The following EBF2 variants were observed in gnomAD, a reference collection of about 807,000 sequenced individuals.
The protein encoded by EBF2 is EBF transcription factor 2, also known as transcription factor COE2.
EBF2 carries 21 observed loss-of-function variants against 72.8 expected under a neutral mutation model. That is an observed-to-expected ratio of 0.29 (90% CI 0.20 to 0.42). The LOEUF is 0.42. Among genes scored for constraint, EBF2 ranks in the 10% least tolerant of loss-of-function variants. EBF2 has a pLI of 1.00. For synonymous variants in EBF2, 299 were observed against 274.2 expected (o/e 1.09, Z -0.89); for missense variants, 637 against 731.2 (o/e 0.87, Z 1.49).
At chr8:25,943,635 T>C (rs1803716703) in intron 6 of EBF2, among the ~76,000 whole-genome samples, 1 of 152,148 alleles carries the variant, frequency 6.6e-6, no homozygotes. Context: ...TCAGAAAACA[T>C]GGTGACTGCT....
chr8:26,012,503 A>G (rs556173108), intron 6 of EBF2, among the ~76,000 whole-genome samples: 2 of 152,318 alleles, frequency 1.3e-5, no homozygotes, highest in Admixed American at 1.3e-4. Flanking sequence ...CCTTCTTCTT[A>G]GAGTGGGTAT....
chr8:26,018,376 G>A (rs1400616945), intron 6 of EBF2, among the ~76,000 whole-genome samples: 1 of 151,498 alleles, frequency 6.6e-6, no homozygotes, highest in African/African-American at 2.4e-5. Flanking sequence ...GAAACGGCCG[G>A]ACGCGGTGGC....
chr8:25,849,004 GGGATGGAAACCACTGGT>G (rs1161079996), intron 15 of EBF2, among the ~76,000 whole-genome samples: 2 of 152,164 alleles, frequency 1.3e-5, no homozygotes, highest in African/African-American at 4.8e-5. Context: ...CCCTAAGGAT[GGGATGGAAACCACTGGT>G]CTTTGATGAA....
chr8:25,958,295 G>A (rs1473442697), intron 6 of EBF2, among the ~76,000 whole-genome samples: 1 of 152,200 alleles, frequency 6.6e-6, no homozygotes, highest in African/African-American at 2.4e-5. Context: ...CCAATAGATT[G>A]GAACAATCTG....
At chr8:26,003,060 C>T (rs2117222705) in intron 6 of EBF2, among the ~76,000 whole-genome samples, 1 of 152,234 alleles carries the variant, frequency 6.6e-6, no homozygotes, top group Admixed American at 6.5e-5. Context: ...TCCCAAGGAA[C>T]ACAGGAAGTT....
At chr8:26,026,660 A>T (rs1202986674) in intron 6 of EBF2, among the ~76,000 whole-genome samples, 1 of 152,174 alleles carries the variant, frequency 6.6e-6, no homozygotes, top group Non-Finnish European at 1.5e-5. Context: ...TCAGGGGCCA[A>T]CAGCACCCAC....
intron 1 of EBF2, among the ~76,000 whole-genome samples, chr8:26,043,788 G>T (rs1188133342): frequency 6.6e-6 from 1 of 152,196 alleles, no homozygotes; most frequent in South Asian, 2.1e-4. Context: ...GAAGTTCATC[G>T]GCTCTTTGGG....
intron 6 of EBF2, among the ~76,000 whole-genome samples, chr8:25,926,085 T>C (rs1162361508): frequency 3.3e-5 from 5 of 152,128 alleles, no homozygotes; most frequent in African/African-American, 1.2e-4. Context: ...CGTGGTCAGC[T>C]CGAAGGGCTT....
At position 25,866,619 on chromosome 8, in the gene EBF2, TTA is replaced by T. The variant is rs377309056; in HGVS notation, c.1010-3824_1010-3823del. 4.9e-3 allele frequency among the ~76,000 whole-genome samples: 573 copies of T among 117,288 alleles called. 9 individuals carry two copies. Among genetic ancestry groups the T allele is most frequent in the African/African-American group, 0.017 (438 of 26,252 alleles). The allele number at this position is 117,288 out of a possible 152,430, so 76.9% of individuals were successfully genotyped here. A position where few individuals can be genotyped will look rare whatever the true frequency, so the allele number is the denominator to read the frequency against. On this transcript the variant is annotated intron_variant, in intron 10 of 15. Coordinates refer to ENST00000520164, the MANE Select transcript of EBF2 (RefSeq NM_022659.4). ...AATATAATATAATGTTTATATTATA[TTA>T]TATATATATATATATTTTTTTTTTT...
At chr8:25,954,475 C>A (rs1219097809) in intron 6 of EBF2, among the ~76,000 whole-genome samples, 2 of 152,212 alleles carry the variant, frequency 1.3e-5, no homozygotes, top group Non-Finnish European at 2.9e-5. Flanking sequence ...GAGAAAGACC[C>A]CCAGAGGTCA....
Position 25,861,165 on chromosome 8 carries a change from G to C in EBF2, c.1226C>G (p.Pro409Arg). Reference protein sequence around the residue: ...AEALYSVPRNPSQLPALSSSP... With the variant: ...AEALYSVPRNRSQLPALSSSP... ...GCTAGAGAGGGCTGGAAGCTGGCTG[G>C]GATTCCTGGGGACGCTGTAGAGAGC... Residue 409 changes from proline (P) to arginine (R), a missense_variant, in exon 13 of 16, where the codon CCC becomes CGC. Around this residue, in one of 3 missense-constraint regions of EBF2, gnomAD observed 259 missense variants for 268.1 expected, o/e 0.97. Coordinates refer to ENST00000520164, the MANE Select transcript of EBF2 (RefSeq NM_022659.4). 1 of 1,614,070 alleles carries C rather than the reference G, an allele frequency of 6.2e-7. No homozygotes were observed. Among genetic ancestry groups the C allele is most frequent in the South Asian group, 1.1e-5 (1 of 91,056 alleles).
At chr8:25,854,292 T>C (rs1265080411) in intron 14 of EBF2, among the ~76,000 whole-genome samples, 3 of 150,754 alleles carry the variant, frequency 2.0e-5, no homozygotes. Flanking sequence ...TGGGAAACAC[T>C]TGGTGATTGT....
chr8:25,958,647 A>AT (rs1309749902), intron 6 of EBF2, among the ~76,000 whole-genome samples: 1 of 151,980 alleles, frequency 6.6e-6, no homozygotes, highest in Non-Finnish European at 1.5e-5. Context: ...GCTTCTTCTA[A>AT]TTTTTTAAGG....
intron 5 of EBF2, among the ~76,000 whole-genome samples, chr8:26,034,250 A>G (rs957242864): frequency 2.0e-5 from 3 of 152,358 alleles, no homozygotes; most frequent in Non-Finnish European, 4.4e-5. Flanking sequence ...ATTTTAAAAT[A>G]CGAGGAAAAT....
intron 6 of EBF2, among the ~76,000 whole-genome samples, chr8:25,929,169 C>T (rs1013194528): frequency 2.6e-5 from 4 of 152,146 alleles, no homozygotes; most frequent in Non-Finnish European, 5.9e-5. Context: ...TAAATACTCA[C>T]GACAGTCCTG....
chr8:25,937,259 G>T (rs1044034539), intron 6 of EBF2, among the ~76,000 whole-genome samples: 1 of 152,008 alleles, frequency 6.6e-6, no homozygotes, highest in Admixed American at 6.6e-5. Flanking sequence ...AGAAAATTAC[G>T]ATCTCCAAGT....
At chr8:25,889,258 T>G (rs1802738797) in intron 8 of EBF2, among the ~76,000 whole-genome samples, 1 of 152,186 alleles carries the variant, frequency 6.6e-6, no homozygotes, top group South Asian at 2.1e-4. Flanking sequence ...ACTTGAAATT[T>G]AACAGTTACC....
At chr8:25,898,693 T>C (rs758156858) in intron 7 of EBF2, among the ~76,000 whole-genome samples, 4 of 152,182 alleles carry the variant, frequency 2.6e-5, no homozygotes, top group Non-Finnish European at 5.9e-5. Context: ...CCATAACATA[T>C]TTGATGCAGT....
chr8:25,939,467 G>A (rs774062390), intron 6 of EBF2, among the ~76,000 whole-genome samples: 15 of 152,164 alleles, frequency 9.9e-5, no homozygotes, highest in Non-Finnish European at 1.6e-4. Context: ...GTGATTGTGA[G>A]TCAGTCTGGG....
Sources: gnomAD v4.1 joint callset for allele counts (sites outside exome capture counted in the v4.1 genomes callset) on GRCh38, gnomAD v4.1.1 for gene constraint, gnomAD v4.1.1 regional missense constraint, MANE v1.5 for transcripts, NCBI Gene and HGNC (gene_info 2026-07-23, HGNC 2026-07-21) for gene names.